GRIK4: variants seen among roughly 807,000 people sequenced by gnomAD.
GRIK4 encodes the protein glutamate ionotropic receptor kainate type subunit 4, also known as glutamate receptor ionotropic, kainate 4.
In GRIK4, 40 loss-of-function variants were observed where a neutral mutation model predicts 104.9. The observed-to-expected ratio is 0.38, with a 90% CI of 0.30 to 0.50. The LOEUF is 0.50. GRIK4 is among the 20% of genes least tolerant of loss of function. GRIK4 has a pLI of 0.93. For synonymous variants in GRIK4, 485 were observed against 524.9 expected (o/e 0.92, Z 1.04); for missense variants, 1,047 against 1,308.1 (o/e 0.80, Z 3.08).
chr11:120,866,818 G>C lies in GRIK4; in HGVS notation c.906+4698G>C, dbSNP rs185534275. 5.3e-5 allele frequency among the ~76,000 whole-genome samples: 8 copies of C among 152,276 alleles called. No individual in the cohort carries two copies. In the East Asian group the frequency reaches 1.5e-3, roughly 29 times the overall value. ...TGGTTTTCTTGCCAATAAAATGGACGAGTGTTCTTTCTTGCTGAGGACGGC... is the reference window on the plus strand; with the variant it reads ...TGGTTTTCTTGCCAATAAAATGGACCAGTGTTCTTTCTTGCTGAGGACGGC... On this transcript the variant is annotated intron_variant, in intron 9 of 20. Coordinates refer to ENST00000527524, the MANE Select transcript of GRIK4 (RefSeq NM_014619.5).
At chr11:120,569,121 G>A (rs1948365968) in intron 1 of GRIK4, among the ~76,000 whole-genome samples, 1 of 152,208 alleles carries the variant, frequency 6.6e-6, no homozygotes, top group African/African-American at 2.4e-5. Flanking sequence ...CCATTTGCTT[G>A]AGGCACCAAG....
chr11:120,595,263 G>T (rs186233398), intron 1 of GRIK4, among the ~76,000 whole-genome samples: 1 of 152,180 alleles, frequency 6.6e-6, no homozygotes, highest in Non-Finnish European at 1.5e-5. Context: ...AGCACTCTTC[G>T]TCCTGCTTTT....
intron 1 of GRIK4, among the ~76,000 whole-genome samples, chr11:120,514,542 A>C (rs549712621): frequency 6.6e-6 from 1 of 152,038 alleles, no homozygotes; most frequent in African/African-American, 2.4e-5. Flanking sequence ...CCTGTTCCTC[A>C]GTTCATCCCC....
intron 1 of GRIK4, among the ~76,000 whole-genome samples, chr11:120,579,720 C>T (rs758617370): frequency 3.3e-5 from 5 of 152,040 alleles, no homozygotes; most frequent in East Asian, 1.9e-4. Context: ...CATGTGTGGG[C>T]GGGTCCCGAT....
chr11:120,704,355 A>G (rs913190578), intron 3 of GRIK4, among the ~76,000 whole-genome samples: 1 of 152,182 alleles, frequency 6.6e-6, no homozygotes, highest in Admixed American at 6.5e-5. Context: ...AGGAAGAGCT[A>G]TTGGATTTAT....
rs1943681981 is a variant in GRIK4, at chr11:120,939,947, T to C, written c.1477-400T>C. ...GCGAGCCGAGATGGCGCCACTGCAC[T>C]CCAGCCTGGGCGACAGAGGGAGACC... is the stretch of plus-strand genomic sequence containing the variant. On this transcript the variant is annotated intron_variant, in intron 13 of 20. Transcript: ENST00000527524. The surrounding 1 kb of genome is among the most constrained non-coding windows in gnomAD (Gnocchi z 5.6). Among the ~76,000 whole-genome samples the C allele has an allele frequency of 6.7e-6, 1 of 149,850 alleles. No homozygotes were observed. Among genetic ancestry groups the C allele is most frequent in the Non-Finnish European group, 1.5e-5 (1 of 67,678 alleles).
At chr11:120,833,584 C>T (rs1352232197) in intron 7 of GRIK4, among the ~76,000 whole-genome samples, 2 of 152,180 alleles carry the variant, frequency 1.3e-5, no homozygotes, top group Non-Finnish European at 2.9e-5. Context: ...GTAGAAGCTT[C>T]TGGGGGCCAG....
chr11:120,856,687 C>T (rs1954112740), intron 8 of GRIK4, among the ~76,000 whole-genome samples: 1 of 152,166 alleles, frequency 6.6e-6, no homozygotes, highest in African/African-American at 2.4e-5. Flanking sequence ...CACGGAATGC[C>T]ACTTCCCCTG....
At position 120,861,965 on chromosome 11, in the gene GRIK4, T is replaced by A; in HGVS notation, c.751T>A (p.Ser251Thr). Residue 251 changes from serine to threonine, a missense_variant, in exon 9 of 21, where the codon TCA becomes ACA. Physicochemically the swap from Ser to Thr is moderately conservative, Grantham distance 58 (BLOSUM62 1). Around this residue, in one of 3 missense-constraint regions of GRIK4, gnomAD observed 447 missense variants for 514.9 expected, o/e 0.87. Coordinates refer to ENST00000527524, the MANE Select transcript of GRIK4 (RefSeq NM_014619.5). Reference sequence around the variant, plus strand: ...TGATGCTGGGTCTTTCCAGGAGTTCTCACTCCAGAGAATGGACAGCCTTGT... The same window carrying A: ...TGATGCTGGGTCTTTCCAGGAGTTCACACTCCAGAGAATGGACAGCCTTGT... ...YTYIFTNLEF[S>T]LQRMDSLVDD... The A allele has an allele frequency of 6.2e-7, 1 of 1,612,334 alleles. No homozygotes were observed. The highest frequency in any genetic ancestry group is 8.5e-7 in the Non-Finnish European group (1 of 1,178,388).
At chr11:120,767,739 AG>A (rs1951864824) in intron 3 of GRIK4, among the ~76,000 whole-genome samples, 1 of 152,144 alleles carries the variant, frequency 6.6e-6, no homozygotes, top group Non-Finnish European at 1.5e-5. Context: ...GTGTAAGATA[AG>A]GGTCCAATTT....
intron 4 of GRIK4, 53 bp from the exon 5 acceptor site, chr11:120,815,325 G>A (rs1952922779): frequency 9.2e-7 from 1 of 1,083,086 alleles, no homozygotes; most frequent in Non-Finnish European, 1.4e-6. Flanking sequence ...CATGGCGCAA[G>A]CCCGACCTGA....
chr11:120,898,406 C>T (rs575295829), intron 11 of GRIK4, 126 bp from the exon 12 acceptor site: 31 of 637,998 alleles, frequency 4.9e-5, no homozygotes, highest in Middle Eastern at 5.3e-4. Flanking sequence ...GTTCAGCCCC[C>T]GGCTCCGTAC....
chr11:120,577,294 G>A (rs1159079658), intron 1 of GRIK4, among the ~76,000 whole-genome samples: 3 of 152,050 alleles, frequency 2.0e-5, no homozygotes, highest in African/African-American at 4.8e-5. Flanking sequence ...AGCCAGGTGG[G>A]TTTCTGAGGG....
intron 1 of GRIK4, among the ~76,000 whole-genome samples, chr11:120,545,151 G>T (rs1948073479): frequency 6.6e-6 from 1 of 152,122 alleles, no homozygotes; most frequent in Non-Finnish European, 1.5e-5. Flanking sequence ...TCTCTGCAGG[G>T]TTCCCACTGT....
At chr11:120,807,432 CA>C (rs1434887164) in intron 4 of GRIK4, among the ~76,000 whole-genome samples, 1 of 152,208 alleles carries the variant, frequency 6.6e-6, no homozygotes, top group Non-Finnish European at 1.5e-5. Context: ...CAGCTGTCCG[CA>C]CAGTTTCCCC....
chr11:120,923,957 C>T (rs1432534206), intron 13 of GRIK4, among the ~76,000 whole-genome samples: 2 of 152,102 alleles, frequency 1.3e-5, no homozygotes. Flanking sequence ...ACAGACTGGT[C>T]CCTCTCCCCT....
chr11:120,614,957 C>A (rs1049890155), intron 1 of GRIK4, among the ~76,000 whole-genome samples: 1 of 152,162 alleles, frequency 6.6e-6, no homozygotes, highest in African/African-American at 2.4e-5. Context: ...TGAGATCGCG[C>A]CACTGCACTC....
At chr11:120,875,302 G>A (rs1954753155) in intron 11 of GRIK4, 59 bp downstream of exon 11, 2 of 1,101,900 alleles carry the variant, frequency 1.8e-6, no homozygotes, top group African/African-American at 1.5e-5. Context: ...TTTCATTGAT[G>A]CCTCGGTGTT....
At chr11:120,537,430 T>G (rs1361944762) in intron 1 of GRIK4, among the ~76,000 whole-genome samples, 2 of 152,152 alleles carry the variant, frequency 1.3e-5, no homozygotes, top group African/African-American at 4.8e-5. Context: ...AATAGGGATG[T>G]CTCCTTCTCT....
Sources: gnomAD v4.1 joint callset for allele counts (sites outside exome capture counted in the v4.1 genomes callset) on GRCh38, gnomAD v4.1.1 for gene constraint, gnomAD v4.1.1 regional missense constraint, Gnocchi (gnomAD v3.1) non-coding constraint, MANE v1.5 for transcripts, NCBI Gene and HGNC (gene_info 2026-07-23, HGNC 2026-07-21) for gene names.